Variants in CLN8 observed in about 807,000 individuals in gnomAD.
CLN8 encodes CLN8 transmembrane ER and ERGIC protein, also known as protein CLN8.
In CLN8, 14 loss-of-function variants were observed where a neutral mutation model predicts 15.7. The observed-to-expected ratio is 0.89, with a 90% CI of 0.59 to 1.39. The LOEUF is 1.39. Ranked by LOEUF, CLN8 falls within the 40% of genes most tolerant of loss-of-function variation. The probability of loss-of-function intolerance (pLI) is 0.00; values close to 1 mark genes in which losing one functional copy is unlikely to be tolerated. For missense variants in CLN8, 415 were observed against 364.0 expected (o/e 1.14, Z -1.14); for synonymous variants, 188 against 151.0 (o/e 1.25, Z -1.80).
chr8:1,758,264 A>G (rs1483046983), intron 1 of CLN8: 3 of 152,234 alleles, frequency 2.0e-5, no homozygotes, highest in African/African-American at 7.2e-5. Flanking sequence ...ATTTTGCCAC[A>G]CTTGCTAAAG....
chr8:1,773,779 C>T (rs1333006597), intron 2 of CLN8: 2 of 152,174 alleles, frequency 1.3e-5, no homozygotes, highest in East Asian at 3.9e-4. Context: ...CTCCTCTCAC[C>T]TGGAAACACC....
At chr8:1,753,106 T>A (rs1276772493), upstream of CLN8, among the ~76,000 whole-genome samples, 1 of 152,200 alleles carries the variant, frequency 6.6e-6, no homozygotes, top group Admixed American at 6.5e-5. Flanking sequence ...CATCTCCTCA[T>A]CAGCAAGGTA....
chr8:1,757,793 G>A (rs1265731752), intron 1 of CLN8, among the ~76,000 whole-genome samples: 3 of 152,094 alleles, frequency 2.0e-5, no homozygotes, highest in East Asian at 1.9e-4. Flanking sequence ...CAATGGCTTC[G>A]TCCAATGGGG....
At chr8:1,769,576 G>A (rs992374512) in intron 1 of CLN8, among the ~76,000 whole-genome samples, 1 of 152,174 alleles carries the variant, frequency 6.6e-6, no homozygotes, top group Admixed American at 6.5e-5. Flanking sequence ...GGTGAGGGGG[G>A]ACCAGGCGGG....
At chr8:1,763,961 G>C (rs1800928931) in intron 1 of CLN8, 76 bp downstream of exon 1, 1 of 134,896 alleles carries the variant, frequency 7.4e-6, no homozygotes, top group Non-Finnish European at 1.6e-5. Context: ...CGGGGTGCCC[G>C]GGTTAGGGGC....
upstream of CLN8, among the ~76,000 whole-genome samples, chr8:1,753,140 C>T (rs925864096): frequency 5.3e-5 from 8 of 152,216 alleles, no homozygotes; most frequent in Non-Finnish European, 1.0e-4. Context: ...CTGATAATTA[C>T]ATAAGTTGGG....
chr8:1,772,530 C>G (rs1220138900), intron 2 of CLN8, among the ~76,000 whole-genome samples: 16 of 152,314 alleles, frequency 1.1e-4, no homozygotes. Context: ...ATGATCTTGG[C>G]TCACTGCAAC....
chr8:1,771,656 A>G (rs948587300), intron 2 of CLN8, 59 bp downstream of exon 2: 9 of 1,498,368 alleles, frequency 6.0e-6, no homozygotes, highest in African/African-American at 1.4e-5. Flanking sequence ...CACTGGCTAC[A>G]ATGTCCTGGA....
At chr8:1,772,699 T>C (rs1801364160) in intron 2 of CLN8, among the ~76,000 whole-genome samples, 1 of 152,064 alleles carries the variant, frequency 6.6e-6, no homozygotes, top group Non-Finnish European at 1.5e-5. Context: ...AGGCTGGTCT[T>C]GAACTCCTGA....
upstream of CLN8, among the ~76,000 whole-genome samples, chr8:1,753,453 C>G (rs1800598041): frequency 6.6e-6 from 1 of 151,288 alleles, no homozygotes; most frequent in Non-Finnish European, 1.5e-5. Context: ...CACCTGTAAT[C>G]CCAGCTACTC....
upstream of CLN8, among the ~76,000 whole-genome samples, chr8:1,753,369 G>A (rs1485485783): frequency 6.6e-6 from 1 of 151,946 alleles, no homozygotes; most frequent in Admixed American, 6.6e-5. Flanking sequence ...TCAGGAGTTC[G>A]AGACCAGCCT....
At chr8:1,780,001 G>GC in intron 2 of CLN8, 1 of 985,482 alleles carries the variant, frequency 1.0e-6, no homozygotes. Context: ...AAGCCAAAGA[G>GC]CAAGAGGAGC....
upstream of CLN8, among the ~76,000 whole-genome samples, chr8:1,760,873 C>G (rs1800777283): frequency 1.3e-5 from 2 of 152,278 alleles, no homozygotes; most frequent in East Asian, 1.9e-4. Flanking sequence ...TCAAAGGCAT[C>G]TTGTATCAAT....
chr8:1,771,048 G>C lies in CLN8; in HGVS notation c.-7G>C. 6.2e-7 allele frequency: 1 copy of C among 1,613,970 alleles called. No homozygotes were observed. The highest frequency in any genetic ancestry group is 8.5e-7 in the Non-Finnish European group (1 of 1,180,006). ...CCCAGGACTCCTTTGGAATATAGCT[G>C]TGGACAATGAATCCTGCGAGCGATG... On this transcript the variant is annotated 5_prime_UTR_variant, in exon 2 of 3. Transcript: ENST00000331222.
In CLN8 at chr8:1,773,115, C is replaced by T. The variant is rs577173271; in HGVS notation, c.543+1518C>T. 1,710 of 393,684 alleles carry T rather than the reference C, an allele frequency of 4.3e-3. 5 individuals are homozygous for T. Among genetic ancestry groups the T allele is most frequent in the South Asian group, 6.3e-3 (45 of 7,160 alleles). 24.4% of individuals were successfully genotyped at this position (393,684 alleles called of 1,614,324 possible). ...TGGCACCTGGGAACTCAAGGAGGAA[C>T]TTGTGTTCCTGGTGTCCCCTGAGGT... On this transcript the variant is annotated intron_variant, in intron 2 of 2. Coordinates refer to ENST00000331222, the MANE Select transcript of CLN8 (RefSeq NM_018941.4).
chr8:1,763,764 G>T (rs1293671643), upstream of CLN8: 3 of 149,136 alleles, frequency 2.0e-5, no homozygotes, highest in East Asian at 4.1e-4. Flanking sequence ...GAACGCGCGT[G>T]CGCGGGCGGT....
At chr8:1,756,291 G>A (rs905929172) in intron 1 of CLN8, among the ~76,000 whole-genome samples, 2 of 152,076 alleles carry the variant, frequency 1.3e-5, no homozygotes, top group African/African-American at 4.8e-5. Flanking sequence ...AGACCAGCCT[G>A]GCCAACATAG....
chr8:1,761,462 T>C (rs1032370341), upstream of CLN8, among the ~76,000 whole-genome samples: 4 of 152,198 alleles, frequency 2.6e-5, no homozygotes, highest in African/African-American at 9.6e-5. Flanking sequence ...GTAGTTGGCA[T>C]TACAGGCGTG....
At position 1,780,325 on chromosome 8, in the gene CLN8, C is replaced by G. The variant is rs151334741; in HGVS notation, c.619C>G (p.Leu207Val). 3.5e-5 allele frequency: 57 copies of G among 1,614,272 alleles called. No homozygotes were observed. In the African/African-American group the frequency reaches 5.2e-4, roughly 15 times the overall value. Residue 207 changes from leucine (L) to valine (V), a missense_variant, in exon 3 of 3, where the codon CTA becomes GTA. By Grantham distance (32) the Leu-to-Val change is conservative (BLOSUM62 1). Coordinates refer to ENST00000331222, the MANE Select transcript of CLN8 (RefSeq NM_018941.4). ...MIHMFHCRMV[L>V]TYHMWWVCFW... ...TCACATGTTTCACTGCCGCATGGTT[C>G]TAACCTACCACATGTGGTGGGTGTG...
Sources: allele counts gnomAD v4.1 joint callset (sites outside exome capture counted in the v4.1 genomes callset), GRCh38; gene constraint gnomAD v4.1.1; transcripts MANE v1.5; gene names NCBI Gene and HGNC (gene_info 2026-07-23, HGNC 2026-07-21).